Variants in TENM3 observed in about 807,000 individuals in gnomAD.
The protein encoded by TENM3 is teneurin-3.
Under a neutral mutation model 255.1 loss-of-function variants are expected in TENM3, and 63 were observed. The observed-to-expected ratio is 0.25, with a 90% CI of 0.20 to 0.30. The LOEUF (loss-of-function observed/expected upper bound fraction) is 0.30, where lower values mean the gene tolerates loss of function less well. Ranked by LOEUF, TENM3 falls within the 10% of genes least tolerant of loss-of-function variation. TENM3 has a pLI of 1.00. For synonymous variants in TENM3, 1,306 were observed against 1,322.3 expected, an observed-to-expected ratio of 0.99 and a Z score of 0.27; for missense variants, 2,929 against 3,461.1, an observed-to-expected ratio of 0.85 and a Z score of 3.86.
chr4:182,239,033 ATG>A (rs10533748), upstream of TENM3, among the ~76,000 whole-genome samples: 36,791 of 139,766 alleles, frequency 0.26, 5,040 homozygotes, highest in Admixed American at 0.35. Context: ...AAAAATCTTT[ATG>A]TGTGTGTGTG....
the TENM3 span, among the ~76,000 whole-genome samples, chr4:181,897,851 CTTCTT>C: frequency 6.6e-6 from 1 of 152,150 alleles, no homozygotes; most frequent in Non-Finnish European, 1.5e-5. Context: ...CTTTCTTCCC[CTTCTT>C]TTCTTTTCTT....
At chr4:181,996,159 T>TAAAAAAAA in the TENM3 span, among the ~76,000 whole-genome samples, 2 of 139,032 alleles carry the variant, frequency 1.4e-5, no homozygotes, top group Non-Finnish European at 3.1e-5. Flanking sequence ...TCGCTACGGT[T>TAAAAAAAA]AAAAAAAAAA....
At chr4:182,721,529 C>T (rs74698005) in intron 13 of TENM3, among the ~76,000 whole-genome samples, 2,506 of 151,796 alleles carry the variant, frequency 0.017, 77 homozygotes, top group African/African-American at 0.058. Flanking sequence ...AAATCTGTAG[C>T]GAATCTGTGT....
At chr4:182,596,163 C>T (rs1226133575) in intron 3 of TENM3, among the ~76,000 whole-genome samples, 2 of 152,150 alleles carry the variant, frequency 1.3e-5, no homozygotes, top group African/African-American at 4.8e-5. Context: ...CCTTGCCTTT[C>T]AGGATCTAAG....
chr4:182,470,536 A>G (rs1309643932), intron 3 of TENM3, among the ~76,000 whole-genome samples: 1 of 152,206 alleles, frequency 6.6e-6, no homozygotes, highest in Non-Finnish European at 1.5e-5. Flanking sequence ...TGAGGAAAGG[A>G]GAGGGAAAAA....
rs528087114 is a variant in TENM3, at chr4:182,262,860, C to A, written c.-76+19384C>A. The stretch of plus-strand genomic sequence containing the variant: ...TCCCGAGCAGCTGGGACTACAGGCA[C>A]CCACCACCACGCCCGGCTAATTGTT... On this transcript the variant is annotated intron_variant, in intron 1 of 27. Coordinates refer to ENST00000511685, the MANE Select transcript of TENM3 (RefSeq NM_001080477.4). Among the ~76,000 whole-genome samples the A allele has an allele frequency of 3.0e-4, 46 of 151,966 alleles. No individual in the cohort carries two copies. In the South Asian group the frequency reaches 6.5e-3, roughly 21 times the overall value.
At chr4:182,628,344 A>G (rs563802126) in intron 4 of TENM3, among the ~76,000 whole-genome samples, 1 of 152,272 alleles carries the variant, frequency 6.6e-6, no homozygotes, top group East Asian at 1.9e-4. Context: ...AAACAGTATG[A>G]TTAGAAAATC....
the TENM3 span, among the ~76,000 whole-genome samples, chr4:181,667,469 A>G: frequency 2.0e-5 from 3 of 152,282 alleles, no homozygotes; most frequent in Non-Finnish European, 4.4e-5. Flanking sequence ...CAATGCAACC[A>G]TGTAAGAGGT....
intron 1 of TENM3, among the ~76,000 whole-genome samples, chr4:182,160,012 C>CT (rs71605052): frequency 1.3e-4 from 20 of 151,208 alleles, no homozygotes; most frequent in Middle Eastern, 3.4e-3. Flanking sequence ...TATTCCGGTT[C>CT]TTTTTTTTGA....
chr4:181,464,451 T>G, the TENM3 span, among the ~76,000 whole-genome samples: 1 of 152,226 alleles, frequency 6.6e-6, no homozygotes, highest in Non-Finnish European at 1.5e-5. Context: ...TATCTTCTTT[T>G]GAGAAATGTC....
the TENM3 span, among the ~76,000 whole-genome samples, chr4:181,467,557 C>T: frequency 1.3e-5 from 2 of 151,556 alleles, no homozygotes; most frequent in Admixed American, 1.3e-4. Flanking sequence ...TAGTATGGTA[C>T]AAAAATAATT....
the TENM3 span, among the ~76,000 whole-genome samples, chr4:181,471,160 C>T: frequency 1.3e-5 from 2 of 152,030 alleles, no homozygotes; most frequent in African/African-American, 2.4e-5. Flanking sequence ...TCAAGTATTG[C>T]ATTTTTTAAT....
intron 1 of TENM3, among the ~76,000 whole-genome samples, chr4:182,291,340 A>G (rs1761110169): frequency 1.3e-5 from 2 of 152,266 alleles, no homozygotes; most frequent in Middle Eastern, 3.4e-3. Context: ...TCCAAAGGCC[A>G]CTTAGAGGCC....
At chr4:182,022,437 G>C in the TENM3 span, among the ~76,000 whole-genome samples, 2 of 151,374 alleles carry the variant, frequency 1.3e-5, no homozygotes, top group Admixed American at 1.3e-4. Flanking sequence ...GAGGCACTAT[G>C]TTCACCACTG....
At chr4:182,783,213 T>G (rs1219267346) in intron 24 of TENM3, among the ~76,000 whole-genome samples, 2 of 152,250 alleles carry the variant, frequency 1.3e-5, no homozygotes, top group Non-Finnish European at 2.9e-5. Flanking sequence ...CTTTCCATGT[T>G]TAGTGCTTCC....
At chr4:182,239,809 GA>G (rs1308656308), upstream of TENM3, among the ~76,000 whole-genome samples, 2 of 151,878 alleles carry the variant, frequency 1.3e-5, no homozygotes, top group African/African-American at 2.4e-5. Flanking sequence ...AGCTTTACTG[GA>G]AAAAAATCAT....
chr4:182,762,096 C>G (rs1436525046), intron 22 of TENM3, among the ~76,000 whole-genome samples: 1 of 152,164 alleles, frequency 6.6e-6, no homozygotes, highest in Non-Finnish European at 1.5e-5. Flanking sequence ...GTATGTTGTT[C>G]AGATTACTCA....
intron 3 of TENM3, among the ~76,000 whole-genome samples, chr4:182,501,044 T>C (rs1435243622): frequency 1.3e-5 from 2 of 152,114 alleles, no homozygotes; most frequent in Non-Finnish European, 2.9e-5. Flanking sequence ...TTTTCTAGAA[T>C]GGTGAGCATG....
At chr4:181,476,617 C>G in the TENM3 span, among the ~76,000 whole-genome samples, 1 of 152,080 alleles carries the variant, frequency 6.6e-6, no homozygotes, top group South Asian at 2.1e-4. Context: ...AATTATACAT[C>G]CCATTCAAGA....
Sources: gnomAD v4.1 joint callset for allele counts (sites outside exome capture counted in the v4.1 genomes callset) on GRCh38, gnomAD v4.1.1 for gene constraint, MANE v1.5 for transcripts, NCBI Gene and HGNC (gene_info 2026-07-23, HGNC 2026-07-21) for gene names.